ARHGAP22: variants seen among roughly 807,000 people sequenced by gnomAD.
ARHGAP22 encodes Rho GTPase activating protein 22.
A neutral mutation model predicts 59.1 loss-of-function variants in ARHGAP22; 48 were observed. The observed-to-expected ratio is 0.81, with a 90% CI of 0.64 to 1.03. The LOEUF (loss-of-function observed/expected upper bound fraction) is 1.03, where lower values mean the gene tolerates loss of function less well. Ranked by LOEUF, ARHGAP22 falls within the 50% of genes least tolerant of loss-of-function variation. ARHGAP22 has a pLI of 0.00. For missense variants in ARHGAP22, 1,015 were observed against 958.7 expected, an observed-to-expected ratio of 1.06 and a Z score of -0.78; for synonymous variants, 445 against 416.4, an observed-to-expected ratio of 1.07 and a Z score of -0.84.
At chr10:48,594,279 G>A (rs935960083) in intron 1 of ARHGAP22, among the ~76,000 whole-genome samples, 2 of 152,180 alleles carry the variant, frequency 1.3e-5, no homozygotes, top group African/African-American at 4.8e-5. Context: ...TCCTCCCATG[G>A]GACCACCATC....
intron 2 of ARHGAP22, among the ~76,000 whole-genome samples, chr10:48,559,953 A>G (rs902000412): frequency 1.3e-5 from 2 of 152,208 alleles, no homozygotes; most frequent in African/African-American, 4.8e-5. Context: ...TTTGAAGTAG[A>G]TTCATGTACC....
intron 3 of ARHGAP22, among the ~76,000 whole-genome samples, chr10:48,482,893 T>C (rs2049468597): frequency 6.6e-6 from 1 of 152,134 alleles, no homozygotes; most frequent in Non-Finnish European, 1.5e-5. Context: ...ATTCTAACTC[T>C]ATGTGTGTAC....
intron 3 of ARHGAP22, 28 bp from the exon 4 acceptor site, chr10:48,479,792 G>T: frequency 6.5e-7 from 1 of 1,545,034 alleles, no homozygotes; most frequent in Non-Finnish European, 8.7e-7. Context: ...ACAGGCTTAC[G>T]CAGGGTCCCT....
rs79857586 is a variant in ARHGAP22, at chr10:48,453,829, G to A, written c.866+259C>T. 6.6e-4 allele frequency among the ~76,000 whole-genome samples: 101 copies of A among 152,314 alleles called. 1 individual carries two copies. In the East Asian group the frequency reaches 0.018, roughly 27 times the overall value. On this transcript the variant is annotated intron_variant, in intron 7 of 9. Transcript: ENST00000249601. ...CAGGATGGCAAGAGGCACCCAGGAG[G>A]GACAGAGGGTATGTCCCTTCTGGAA...
At chr10:48,453,566 C>T (rs531811352) in intron 7 of ARHGAP22, 141 bp from the exon 8 acceptor site, 20 of 1,287,318 alleles carry the variant, frequency 1.6e-5, no homozygotes, top group Admixed American at 8.9e-5. Flanking sequence ...CCTGCCTCTG[C>T]CAGGCTCGAT....
At chr10:48,530,681 C>G (rs79515386) in intron 3 of ARHGAP22, among the ~76,000 whole-genome samples, 29,504 of 152,224 alleles carry the variant, frequency 0.19, 3,098 homozygotes, top group Non-Finnish European at 0.23. Flanking sequence ...CTCAACATCA[C>G]TAATGATCAG....
chr10:48,603,276 T>C (rs1219870281), intron 1 of ARHGAP22, among the ~76,000 whole-genome samples: 1 of 152,250 alleles, frequency 6.6e-6, no homozygotes, highest in Non-Finnish European at 1.5e-5. Flanking sequence ...GCTGAAGCAC[T>C]GGTCTCTTAC....
chr10:48,478,517 C>T (rs2134054830), intron 4 of ARHGAP22, among the ~76,000 whole-genome samples: 1 of 152,274 alleles, frequency 6.6e-6, no homozygotes, highest in South Asian at 2.1e-4. Flanking sequence ...GAGTCCCTGC[C>T]CAGACTGTGT....
chr10:48,559,684 A>G (rs1005004768), intron 2 of ARHGAP22, among the ~76,000 whole-genome samples: 1 of 152,146 alleles, frequency 6.6e-6, no homozygotes, highest in African/African-American at 2.4e-5. Context: ...TCTTCTATTA[A>G]TTCCTTGTTA....
chr10:48,606,915 G>A (rs2060701516), upstream of ARHGAP22, among the ~76,000 whole-genome samples: 1 of 152,146 alleles, frequency 6.6e-6, no homozygotes, highest in Admixed American at 6.5e-5. Context: ...AGGAAACTCT[G>A]GCTTCATGGG....
chr10:48,554,713 C>T (rs58110517), intron 3 of ARHGAP22, among the ~76,000 whole-genome samples: 2,757 of 152,240 alleles, frequency 0.018, 70 homozygotes, highest in African/African-American at 0.062. Context: ...TTGGATGAGA[C>T]CCCTCTGAAG....
the ARHGAP22 span, among the ~76,000 whole-genome samples, chr10:48,433,695 T>C: frequency 1.3e-5 from 2 of 152,216 alleles, no homozygotes; most frequent in African/African-American, 4.8e-5. Context: ...GCCTATTTTC[T>C]TTTTGCATTT....
the ARHGAP22 span, among the ~76,000 whole-genome samples, chr10:48,432,987 AT>A: frequency 3.3e-4 from 50 of 152,254 alleles, no homozygotes; most frequent in African/African-American, 1.2e-3. Context: ...TTTCCACTTG[AT>A]TTTTAAAAGG....
intron 3 of ARHGAP22, among the ~76,000 whole-genome samples, chr10:48,535,994 AGCT>A (rs2055313768): frequency 6.6e-6 from 1 of 152,212 alleles, no homozygotes; most frequent in Non-Finnish European, 1.5e-5. Context: ...GTGGCCACCT[AGCT>A]GTGGAAGGAG....
intron 3 of ARHGAP22, among the ~76,000 whole-genome samples, chr10:48,508,996 T>G (rs1286549771): frequency 6.6e-6 from 1 of 152,262 alleles, no homozygotes; most frequent in Non-Finnish European, 1.5e-5. Flanking sequence ...AACAGAGGTC[T>G]GCCCACAGGG....
intron 9 of ARHGAP22, among the ~76,000 whole-genome samples, chr10:48,449,585 G>C (rs573657014): frequency 1.4e-4 from 22 of 152,340 alleles, no homozygotes; most frequent in African/African-American, 5.1e-4. Context: ...GGGACCTGCA[G>C]CCAGAGGGAC....
chr10:48,522,515 T>C (rs1194621201), intron 3 of ARHGAP22, among the ~76,000 whole-genome samples: 1 of 152,172 alleles, frequency 6.6e-6, no homozygotes, highest in East Asian at 1.9e-4. Flanking sequence ...AAATCCACCC[T>C]TGCTTTTGGG....
chr10:48,510,236 AAC>A (rs2052617684), intron 3 of ARHGAP22, among the ~76,000 whole-genome samples: 1 of 152,144 alleles, frequency 6.6e-6, no homozygotes. Flanking sequence ...CCCCCCATAA[AAC>A]AGTTCTGTGC....
chr10:48,523,653 G>C (rs906029148), intron 3 of ARHGAP22, among the ~76,000 whole-genome samples: 1 of 151,848 alleles, frequency 6.6e-6, no homozygotes, highest in Admixed American at 6.6e-5. Flanking sequence ...CGCGCGCCGG[G>C]CTCGCGGTGC....
Sources: allele counts gnomAD v4.1 joint callset (sites outside exome capture counted in the v4.1 genomes callset), GRCh38; gene constraint gnomAD v4.1.1; transcripts MANE v1.5; gene names NCBI Gene and HGNC (gene_info 2026-07-23, HGNC 2026-07-21).